Variants in CNTN4 observed in about 807,000 individuals in gnomAD.
CNTN4 encodes the protein contactin-4.
CNTN4 carries 77 observed loss-of-function variants against 122.5 expected under a neutral mutation model. That is an observed-to-expected ratio of 0.63 (90% CI 0.52 to 0.76). The LOEUF (loss-of-function observed/expected upper bound fraction) is 0.76. CNTN4 is among the 30% of genes least tolerant of loss of function. The pLI is 0.00. For missense variants in CNTN4, 1,256 were observed against 1,259.1 expected (o/e 1.00, Z 0.04); for synonymous variants, 512 against 447.0 (o/e 1.15, Z -1.83).
intron 2 of CNTN4, among the ~76,000 whole-genome samples, chr3:2,253,717 C>T (rs2040465107): frequency 6.6e-6 from 1 of 151,912 alleles, no homozygotes. Flanking sequence ...TCTCGGCTCA[C>T]TGCAGCCTTA....
intron 14 of CNTN4, among the ~76,000 whole-genome samples, chr3:3,007,812 C>T (rs1028311587): frequency 6.6e-6 from 1 of 152,136 alleles, no homozygotes; most frequent in African/African-American, 2.4e-5. Flanking sequence ...GAGGAAGTGA[C>T]ACTGGGCTAT....
At chr3:2,174,951 G>C (rs537160135) in intron 2 of CNTN4, among the ~76,000 whole-genome samples, 34 of 152,242 alleles carry the variant, frequency 2.2e-4, no homozygotes, top group African/African-American at 8.2e-4. Flanking sequence ...CCTCCCCCAT[G>C]ATCCAGTCAC....
intron 9 of CNTN4, among the ~76,000 whole-genome samples, chr3:2,886,737 C>T (rs1200694009): frequency 2.9e-5 from 4 of 139,686 alleles, no homozygotes; most frequent in African/African-American, 1.0e-4. Context: ...TGGTTTCAAA[C>T]TCCTGACCTC....
At chr3:2,860,922 C>A (rs2093664661) in intron 7 of CNTN4, among the ~76,000 whole-genome samples, 1 of 152,078 alleles carries the variant, frequency 6.6e-6, no homozygotes, top group South Asian at 2.1e-4. Context: ...TCTTGCAGTT[C>A]CTGGTATAAT....
chr3:2,539,185 G>C (rs929230629), intron 3 of CNTN4, among the ~76,000 whole-genome samples: 1 of 152,002 alleles, frequency 6.6e-6, no homozygotes, highest in African/African-American at 2.4e-5. Flanking sequence ...ACTAATTTAG[G>C]TTGACAATTT....
In CNTN4 at chr3:2,841,152, C is replaced by A. The variant is rs1454146340; in HGVS notation, c.454+21571C>A. 6.6e-6 allele frequency among the ~76,000 whole-genome samples: 1 copy of A among 152,180 alleles called. No homozygotes were observed. Among genetic ancestry groups the A allele is most frequent in the Non-Finnish European group, 1.5e-5 (1 of 68,032 alleles). On this transcript the variant is annotated intron_variant, in intron 7 of 24. Transcript: ENST00000418658. This position sits in a 1 kb window ranked among gnomAD's most constrained non-coding sequence, Gnocchi z 4.8. ...GATAATCTGAGGGTTAATGCTAACT[C>A]TCATAGAATTTAAGTCAAAATATCT...
At chr3:2,144,799 C>A (rs534673495) in intron 2 of CNTN4, among the ~76,000 whole-genome samples, 39 of 152,200 alleles carry the variant, frequency 2.6e-4, no homozygotes, top group Non-Finnish European at 4.9e-4. Context: ...AAAGCCATAT[C>A]AGCTCTAAGC....
chr3:2,536,020 A>C (rs142939308), intron 3 of CNTN4, among the ~76,000 whole-genome samples: 2 of 152,182 alleles, frequency 1.3e-5, no homozygotes, highest in Non-Finnish European at 2.9e-5. Context: ...CAATGAGTAG[A>C]TTTTCTGTGT....
chr3:2,383,075 C>CAAA (rs1164660732), intron 3 of CNTN4, among the ~76,000 whole-genome samples: 1 of 121,120 alleles, frequency 8.3e-6, no homozygotes, highest in Admixed American at 8.5e-5. Flanking sequence ...AAATCCATCT[C>CAAA]AAAAAAAAAA....
intron 2 of CNTN4, among the ~76,000 whole-genome samples, chr3:2,191,121 G>A (rs998815997): frequency 6.6e-6 from 1 of 151,874 alleles, no homozygotes; most frequent in Non-Finnish European, 1.5e-5. Flanking sequence ...GAAGAGATGG[G>A]GTCTGTCTTG....
At chr3:2,380,248 T>C (rs1407331979) in intron 3 of CNTN4, among the ~76,000 whole-genome samples, 2 of 152,214 alleles carry the variant, frequency 1.3e-5, no homozygotes, top group African/African-American at 4.8e-5. Flanking sequence ...CCTTTTTATG[T>C]AAAATTTAGA....
intron 13 of CNTN4, among the ~76,000 whole-genome samples, chr3:2,969,878 G>C (rs922905160): frequency 6.6e-6 from 1 of 152,144 alleles, no homozygotes; most frequent in Non-Finnish European, 1.5e-5. Context: ...GGCTGGATGT[G>C]TGTCAGAACT....
chr3:2,399,385 A>C (rs1165454024), intron 3 of CNTN4, among the ~76,000 whole-genome samples: 2 of 152,124 alleles, frequency 1.3e-5, no homozygotes, highest in East Asian at 3.9e-4. Context: ...TATGATGTGG[A>C]TGAAGGTGTT....
intron 3 of CNTN4, among the ~76,000 whole-genome samples, chr3:2,451,139 G>T (rs2048815036): frequency 6.6e-6 from 1 of 152,164 alleles, no homozygotes. Context: ...TTATTTATGA[G>T]AATAGAGAAG....
chr3:3,042,539 G>A (rs1182407271), intron 21 of CNTN4, 117 bp downstream of exon 21: 1 of 737,830 alleles, frequency 1.4e-6, no homozygotes, highest in Non-Finnish European at 2.4e-6. Context: ...ATTGGTTTTA[G>A]GCCTGGCTTC....
At chr3:2,454,762 A>G (rs1193548575) in intron 3 of CNTN4, among the ~76,000 whole-genome samples, 3 of 151,380 alleles carry the variant, frequency 2.0e-5, no homozygotes, top group Non-Finnish European at 4.4e-5. Flanking sequence ...GATACCTTTC[A>G]TATTAATTTG....
At chr3:2,415,488 T>C (rs2047378658) in intron 3 of CNTN4, among the ~76,000 whole-genome samples, 1 of 152,194 alleles carries the variant, frequency 6.6e-6, no homozygotes, top group Non-Finnish European at 1.5e-5. Context: ...CTTTAAAAAG[T>C]CATAACATTT....
chr3:2,482,339 G>C (rs1425949443), intron 3 of CNTN4, among the ~76,000 whole-genome samples: 1 of 151,954 alleles, frequency 6.6e-6, no homozygotes, highest in Non-Finnish European at 1.5e-5. Flanking sequence ...GCTGATTTAG[G>C]GTACCTGACA....
At chr3:2,469,729 T>C (rs907354995) in intron 3 of CNTN4, among the ~76,000 whole-genome samples, 14 of 152,204 alleles carry the variant, frequency 9.2e-5, no homozygotes, top group Admixed American at 8.5e-4. Context: ...TTCCATTCTC[T>C]TGATCCATTG....
Sources: allele counts gnomAD v4.1 joint callset (sites outside exome capture counted in the v4.1 genomes callset), GRCh38; gene constraint gnomAD v4.1.1; non-coding constraint Gnocchi (gnomAD v3.1); transcripts MANE v1.5; gene names NCBI Gene and HGNC (gene_info 2026-07-23, HGNC 2026-07-21).